Variants in RARB observed in about 807,000 individuals in gnomAD.
The protein encoded by RARB is retinoic acid receptor beta.
In RARB, 17 loss-of-function variants were observed where a neutral mutation model predicts 51.9. The observed-to-expected ratio is 0.33, with a 90% confidence interval of 0.22 to 0.49. The LOEUF is 0.49. Among genes scored for constraint, RARB ranks in the 20% least tolerant of loss-of-function variants. The pLI, the probability that RARB is intolerant of heterozygous loss-of-function variation, is 0.99. For missense variants in RARB, 369 were observed against 550.8 expected (o/e 0.67, Z 3.30); for synonymous variants, 215 against 195.4 (o/e 1.10, Z -0.84).
At chr3:25,176,379 TTCCTTCC>T (rs1209477699) in intron 5 of RARB, among the ~76,000 whole-genome samples, 14 of 128,656 alleles carry the variant, frequency 1.1e-4, no homozygotes, top group African/African-American at 2.8e-4. Flanking sequence ...CCTTCCTTCC[TTCCTTCC>T]TTATTTATTT....
At chr3:25,174,554 T>G in exon 5 of RARB, 3 of 1,352,112 alleles carry the variant, frequency 2.2e-6, no homozygotes, top group Non-Finnish European at 2.9e-6. Context: ...TCCGAGTGGA[T>G]GCAGCACCCC....
intron 5 of RARB, among the ~76,000 whole-genome samples, chr3:25,583,568 G>A (rs1197352722): frequency 6.6e-6 from 1 of 152,236 alleles, no homozygotes; most frequent in Non-Finnish European, 1.5e-5. Context: ...ACACGCAGCC[G>A]AGGCTCTCCA....
chr3:25,060,974 T>G (rs1343617561), intron 3 of RARB, among the ~76,000 whole-genome samples: 1 of 151,922 alleles, frequency 6.6e-6, no homozygotes, highest in East Asian at 1.9e-4. Context: ...TGGCCAAATT[T>G]ACTTTATCTC....
At chr3:24,909,458 A>G (rs1009668071) in intron 2 of RARB, among the ~76,000 whole-genome samples, 17 of 152,300 alleles carry the variant, frequency 1.1e-4, no homozygotes, top group African/African-American at 3.4e-4. Flanking sequence ...TGAGCTATGA[A>G]AGAACAGAGT....
intron 2 of RARB, among the ~76,000 whole-genome samples, chr3:24,887,213 A>T (rs573462124): frequency 6.6e-6 from 1 of 152,242 alleles, no homozygotes; most frequent in Non-Finnish European, 1.5e-5. Flanking sequence ...AAGATGATGT[A>T]TGAAGAAAAC....
At chr3:25,265,010 C>G (rs987296883) in intron 5 of RARB, among the ~76,000 whole-genome samples, 1 of 152,156 alleles carries the variant, frequency 6.6e-6, no homozygotes, top group Admixed American at 6.5e-5. Flanking sequence ...TATTAGCACC[C>G]TTACAAAACG....
chr3:24,980,811 A>G lies in RARB; in HGVS notation c.-379-79314A>G, dbSNP rs146867090. Among the ~76,000 whole-genome samples, 679 of 152,162 alleles carry G rather than the reference A, an allele frequency of 4.5e-3. 7 individuals are homozygous for G. Among genetic ancestry groups the G allele is most frequent in the African/African-American group, 0.015 (642 of 41,510 alleles). ...CTGTCCAGTTTTGTTCCCTTGCTGGAGAGGAGTTGTGTTCCTTTGGAGGAG... is the reference window on the plus strand; with the variant it reads ...CTGTCCAGTTTTGTTCCCTTGCTGGGGAGGAGTTGTGTTCCTTTGGAGGAG... On this transcript the variant is annotated intron_variant, in intron 2 of 11. Coordinates refer to the RARB transcript ENST00000383772.
intron 2 of RARB, among the ~76,000 whole-genome samples, chr3:24,897,223 TG>T (rs1168362794): frequency 6.6e-6 from 1 of 152,212 alleles, no homozygotes; most frequent in African/African-American, 2.4e-5. Flanking sequence ...TAGGCGTAGC[TG>T]TTTAACTCAA....
intron 2 of RARB, among the ~76,000 whole-genome samples, chr3:24,934,362 T>C (rs1319887820): frequency 6.6e-6 from 1 of 152,116 alleles, no homozygotes. Context: ...TTCTGGCAGG[T>C]TTTTCTGGTA....
intron 2 of RARB, among the ~76,000 whole-genome samples, chr3:25,478,990 C>T (rs183745126): frequency 1.9e-4 from 29 of 152,288 alleles, no homozygotes; most frequent in Admixed American, 1.8e-3. Context: ...TGGTGAACTC[C>T]TGTTGACTCT....
intron 2 of RARB, among the ~76,000 whole-genome samples, chr3:24,876,240 G>A (rs928331048): frequency 5.9e-5 from 9 of 152,140 alleles, no homozygotes; most frequent in Admixed American, 2.0e-4. Context: ...TTGAGACTAT[G>A]TAAATATCCT....
intron 5 of RARB, among the ~76,000 whole-genome samples, chr3:25,356,964 G>A (rs1705761373): frequency 6.6e-6 from 1 of 152,188 alleles, no homozygotes; most frequent in South Asian, 2.1e-4. Flanking sequence ...GAATAGTGCT[G>A]CAATAAACAT....
chr3:25,236,356 C>G (rs1171524731), intron 5 of RARB, among the ~76,000 whole-genome samples: 1 of 152,122 alleles, frequency 6.6e-6, no homozygotes, highest in African/African-American at 2.4e-5. Flanking sequence ...CCTGTTAATT[C>G]TTATCTCAGA....
chr3:25,024,743 A>C (rs1268888134), intron 2 of RARB, among the ~76,000 whole-genome samples: 4 of 152,082 alleles, frequency 2.6e-5, no homozygotes, highest in Non-Finnish European at 5.9e-5. Context: ...ACTTGAGCTC[A>C]GGAGCTCGAG....
At chr3:25,152,452 G>T (rs571688255) in intron 4 of RARB, among the ~76,000 whole-genome samples, 2 of 152,042 alleles carry the variant, frequency 1.3e-5, no homozygotes, top group Non-Finnish European at 2.9e-5. Flanking sequence ...AGGGGAAAAT[G>T]GTTATCGACT....
At chr3:24,921,149 C>G (rs988228991) in intron 2 of RARB, among the ~76,000 whole-genome samples, 1 of 151,946 alleles carries the variant, frequency 6.6e-6, no homozygotes, top group African/African-American at 2.4e-5. Context: ...TTTTTCAACG[C>G]TAGTACAAGC....
chr3:25,322,561 T>C (rs1408646213), intron 5 of RARB, among the ~76,000 whole-genome samples: 1 of 152,184 alleles, frequency 6.6e-6, no homozygotes, highest in Admixed American at 6.5e-5. Flanking sequence ...AATACTTATG[T>C]GCTCTGGAAG....
In RARB at chr3:25,122,021, T is replaced by C. The variant is rs370988047; in HGVS notation, c.-327-10140T>C. Among the ~76,000 whole-genome samples the C allele has an allele frequency of 4.6e-5, 7 of 152,332 alleles. No homozygotes were observed. The South Asian group carries it at 6.2e-4, about 14-fold the overall frequency. On this transcript the variant is annotated intron_variant, in intron 3 of 11. Coordinates refer to the RARB transcript ENST00000383772. ...GATTCAATGTGACATTCTCTTATAC[T>C]TCTTTGAAAGTCATTCAAAAGTTGA...
chr3:25,149,053 T>C (rs1260442648), intron 4 of RARB, among the ~76,000 whole-genome samples: 1 of 152,174 alleles, frequency 6.6e-6, no homozygotes, highest in Non-Finnish European at 1.5e-5. Flanking sequence ...CCTAGCAACA[T>C]GGCCATCCCA....
Sources: allele counts gnomAD v4.1 joint callset (sites outside exome capture counted in the v4.1 genomes callset), GRCh38; gene constraint gnomAD v4.1.1; transcripts MANE v1.5; gene names NCBI Gene and HGNC (gene_info 2026-07-23, HGNC 2026-07-21).